UACA: variants seen among roughly 807,000 people sequenced by gnomAD.
UACA encodes nuclear membrane binding protein.
A neutral mutation model predicts 160.5 loss-of-function variants in UACA; 112 were observed. The observed-to-expected ratio is 0.70, with a 90% CI of 0.60 to 0.82. The LOEUF is 0.82. Among genes scored for constraint, UACA ranks in the 40% least tolerant of loss-of-function variants. The pLI is 0.00. For missense variants in UACA, 1,574 were observed against 1,614.6 expected, an observed-to-expected ratio of 0.97 and a Z score of 0.43; for synonymous variants, 557 against 568.4, an observed-to-expected ratio of 0.98 and a Z score of 0.29.
chr15:70,710,439 C>A (rs562425337), intron 1 of UACA, among the ~76,000 whole-genome samples: 8 of 152,264 alleles, frequency 5.3e-5, no homozygotes, highest in African/African-American at 1.9e-4. Flanking sequence ...CAGAGCAATT[C>A]TCCAGCACAC....
At chr15:70,759,134 C>G (rs2030597077) in intron 1 of UACA, among the ~76,000 whole-genome samples, 1 of 152,096 alleles carries the variant, frequency 6.6e-6, no homozygotes, top group Non-Finnish European at 1.5e-5. Flanking sequence ...AAGTGGAATC[C>G]CCTTCTAAAA....
intron 17 of UACA, chr15:70,660,881 T>C (rs1196646975): frequency 6.6e-6 from 1 of 152,218 alleles, no homozygotes; most frequent in Non-Finnish European, 1.5e-5. Flanking sequence ...ATTATGTTGT[T>C]ATTAATCTCT....
chr15:70,682,861 T>C, intron 8 of UACA, 66 bp from the exon 9 acceptor site: 1 of 1,046,528 alleles, frequency 9.6e-7, no homozygotes, highest in Non-Finnish European at 1.4e-6. Context: ...ACGCATTCCC[T>C]AACTATACAA....
Position 70,668,310 on chromosome 15 carries a change from A to T in UACA, c.2374T>A (p.Leu792Ile). 6.2e-7 allele frequency: 1 copy of T among 1,612,292 alleles called. No individual in the cohort carries two copies. The highest frequency in any genetic ancestry group is 1.1e-5 in the South Asian group (1 of 90,456). The change falls in exon 16 of 19, where the codon TTA (leucine) becomes ATA (isoleucine). Residue 792 changes from leucine to isoleucine, a missense_variant. Physicochemically the swap from Leu to Ile is conservative, Grantham distance 5. Coordinates refer to ENST00000322954, the MANE Select transcript of UACA (RefSeq NM_018003.4). ...TCTAGGCGGCTTACATCCTTACTTAAGCTGTCATTTTCCAGTAGCAATTTC... is the reference window on the plus strand; with the variant it reads ...TCTAGGCGGCTTACATCCTTACTTATGCTGTCATTTTCCAGTAGCAATTTC... ...MEKLLLENDSLSKDVSRLETV... is the reference protein window; with the variant it reads ...MEKLLLENDSISKDVSRLETV...
intron 13 of UACA, among the ~76,000 whole-genome samples, chr15:70,673,703 T>C (rs914778688): frequency 9.9e-5 from 15 of 152,222 alleles, no homozygotes; most frequent in Non-Finnish European, 2.1e-4. Flanking sequence ...ATTTTCCCCA[T>C]ATTTTTATAC....
chr15:70,662,704 G>A (rs1896754343), intron 17 of UACA, among the ~76,000 whole-genome samples: 1 of 152,116 alleles, frequency 6.6e-6, no homozygotes, highest in Non-Finnish European at 1.5e-5. Context: ...CAGAAATAAT[G>A]CCACATATCT....
intron 17 of UACA, among the ~76,000 whole-genome samples, chr15:70,663,125 C>T (rs1031293458): frequency 1.1e-4 from 16 of 152,112 alleles, no homozygotes; most frequent in African/African-American, 2.9e-4. Context: ...TGACAAAGGG[C>T]TAATATCCAG....
At chr15:70,691,563 G>A (rs1595891583) in intron 3 of UACA, among the ~76,000 whole-genome samples, 200 bp from the exon 4 acceptor site, 1 of 152,074 alleles carries the variant, frequency 6.6e-6, no homozygotes, top group African/African-American at 2.4e-5. Context: ...AATGAAGGTA[G>A]AAAGAAAAAC....
intron 13 of UACA, 91 bp from the exon 14 acceptor site, chr15:70,672,092 T>A: frequency 9.0e-7 from 1 of 1,112,910 alleles, no homozygotes; most frequent in Non-Finnish European, 1.3e-6. Context: ...ATGCAGTCAT[T>A]AAAACTACAT....
rs1896445102 is a variant in UACA, at chr15:70,655,097, A to G, written c.*1959T>C. 1.3e-5 allele frequency: 2 copies of G among 152,256 alleles called. No homozygotes were observed. Among genetic ancestry groups the G allele is most frequent in the South Asian group, 4.1e-4 (2 of 4,834 alleles). 9.4% of individuals were successfully genotyped at this position (152,256 alleles called of 1,614,324 possible). Reference sequence around the variant, plus strand: ...TCGCAAATCTTTTACAAGGATGTTCAAAACAATATTCTAGAGAAAACTTTA... The same window carrying G: ...TCGCAAATCTTTTACAAGGATGTTCGAAACAATATTCTAGAGAAAACTTTA... On this transcript the variant is annotated 3_prime_UTR_variant, in exon 19 of 19. Coordinates refer to ENST00000322954, the MANE Select transcript of UACA (RefSeq NM_018003.4).
chr15:70,667,347 G>C lies in UACA; in HGVS notation c.3337C>G (p.Pro1113Ala), dbSNP rs1475565207. The C allele has an allele frequency of 1.9e-6, 3 of 1,612,864 alleles. No individual in the cohort carries two copies. Among genetic ancestry groups the C allele is most frequent in the Non-Finnish European group, 2.5e-6 (3 of 1,179,880 alleles). The change falls in exon 16 of 19, where the codon CCA becomes GCA. Residue 1113 changes from proline (P) to alanine (A), a missense_variant. Transcript: ENST00000322954. ...VQNLLQKQHV[P>A]LEQVEALKKS... ...TTCAGAGCCTCAACCTGTTCCAATG[G>C]AACATGTTGTTTTTGCAAAAGATTT... is the stretch of plus-strand genomic sequence containing the variant.
intron 5 of UACA, among the ~76,000 whole-genome samples, chr15:70,690,253 G>A (rs1424780420): frequency 1.3e-5 from 2 of 151,948 alleles, no homozygotes; most frequent in Non-Finnish European, 2.9e-5. Flanking sequence ...TATCTAGCAA[G>A]CTGACTGGCC....
chr15:70,692,484 T>G (rs59368277), intron 3 of UACA, among the ~76,000 whole-genome samples: 2,358 of 152,172 alleles, frequency 0.015, 62 homozygotes, highest in African/African-American at 0.053. Flanking sequence ...AAAATATAAT[T>G]TGGGGGCCGG....
the UACA span, among the ~76,000 whole-genome samples, chr15:70,771,938 G>A: frequency 6.6e-6 from 1 of 152,192 alleles, no homozygotes; most frequent in Non-Finnish European, 1.5e-5. Flanking sequence ...TGGAGAGACA[G>A]GCTGGGGCCA....
intron 1 of UACA, among the ~76,000 whole-genome samples, chr15:70,738,267 G>A (rs1438184736): frequency 6.6e-6 from 1 of 151,502 alleles, no homozygotes; most frequent in Non-Finnish European, 1.5e-5. Flanking sequence ...TGGTCTCCCT[G>A]CTTCTGCTTG....
the UACA span, among the ~76,000 whole-genome samples, chr15:70,774,513 T>C: frequency 1.4e-5 from 2 of 140,012 alleles, no homozygotes; most frequent in Non-Finnish European, 1.5e-5. Context: ...GCCACTGCAT[T>C]CCAGCCTGGG....
At chr15:70,718,902 T>A (rs375589883) in intron 1 of UACA, among the ~76,000 whole-genome samples, 1 of 152,008 alleles carries the variant, frequency 6.6e-6, no homozygotes, top group African/African-American at 2.4e-5. Flanking sequence ...AACTGTCACA[T>A]AAAAAATTGA....
chr15:70,716,084 C>T (rs986168177), intron 1 of UACA, among the ~76,000 whole-genome samples: 1 of 152,138 alleles, frequency 6.6e-6, no homozygotes. Flanking sequence ...TTTCCTCATC[C>T]GTTGAATCCT....
chr15:70,750,137 T>C (rs1595923493), intron 1 of UACA, among the ~76,000 whole-genome samples: 1 of 152,194 alleles, frequency 6.6e-6, no homozygotes, highest in African/African-American at 2.4e-5. Flanking sequence ...CCTTCCAGCA[T>C]TGTAATGATG....
Sources: gnomAD v4.1 joint callset for allele counts (sites outside exome capture counted in the v4.1 genomes callset) on GRCh38, gnomAD v4.1.1 for gene constraint, MANE v1.5 for transcripts, NCBI Gene and HGNC (gene_info 2026-07-23, HGNC 2026-07-21) for gene names.